PNLDC1: variants seen among roughly 807,000 people sequenced by gnomAD.
The protein encoded by PNLDC1 is PARN like ribonuclease domain containing exonuclease 1.
A neutral mutation model predicts 82.0 loss-of-function variants in PNLDC1; 70 were observed. That is an observed-to-expected ratio of 0.85 (90% confidence interval 0.70 to 1.04). The LOEUF (loss-of-function observed/expected upper bound fraction) is 1.04, where lower values mean the gene tolerates loss of function less well. Among genes scored for constraint, PNLDC1 ranks in the 50% least tolerant of loss-of-function variants. The pLI is 0.00. For missense variants in PNLDC1, 631 were observed against 661.1 expected (o/e 0.95, Z 0.50); for synonymous variants, 280 against 249.3 (o/e 1.12, Z -1.16).
chr6:159,819,236 G>A lies in PNLDC1; in HGVS notation c.1434-18G>A, dbSNP rs1446091744. On this transcript the variant is annotated intron_variant, in intron 17 of 18. Coordinates refer to ENST00000392167, the MANE Select transcript of PNLDC1 (RefSeq NM_001271862.2). The surrounding 1 kb of genome is among the most constrained non-coding windows in gnomAD (Gnocchi z 4.6). Reference sequence around the variant, plus strand: ...CCATCCTGCTGCCTGGCTGACCACAGCAAACTTGTTTTGGCAGTGCGCGGA... The same window carrying A: ...CCATCCTGCTGCCTGGCTGACCACAACAAACTTGTTTTGGCAGTGCGCGGA... 1.9e-6 allele frequency: 3 copies of A among 1,613,496 alleles called. No homozygotes were observed. The highest frequency in any genetic ancestry group is 2.5e-6 in the Non-Finnish European group (3 of 1,179,886).
chr6:159,813,621 G>A lies in PNLDC1; in HGVS notation c.960G>A (p.Val320=). 5 of 1,613,608 alleles carry A rather than the reference G, an allele frequency of 3.1e-6. No homozygotes were observed. The highest frequency in any genetic ancestry group is 1.7e-5 in the Admixed American group (1 of 60,032). ...DIWKEMNFPR[V]SNLSEVYEVL... is the part of the protein sequence containing the mutation. ...TGTAGGAGATGAATTTCCCGAGGGT[G>A]TCGAATCTTTCGGAAGTCTATGAAG... The change falls in exon 12 of 19, where the codon GTG becomes GTA. Residue 320 remains valine (V), a synonymous_variant. Coordinates refer to ENST00000392167, the MANE Select transcript of PNLDC1 (RefSeq NM_001271862.2).
intron 10 of PNLDC1, among the ~76,000 whole-genome samples, chr6:159,811,219 G>T (rs1781634477): frequency 6.6e-6 from 1 of 152,186 alleles, no homozygotes; most frequent in African/African-American, 2.4e-5. Context: ...TTTTTAGTGT[G>T]TGTGTTTTGC....
In PNLDC1 at chr6:159,813,601, G is replaced by C. The variant is rs1363441482; in HGVS notation, c.940G>C (p.Glu314Gln). Residue 314 changes from glutamate (E) to glutamine (Q), a missense_variant and splice_region_variant, in exon 12 of 19, where the codon GAG (glutamate) becomes CAG (glutamine). Transcript: ENST00000392167. ...TKSVTKDIWKEMNFPRVSNLS... is the reference protein window; with the variant it reads ...TKSVTKDIWKQMNFPRVSNLS... ...TCTGGTTTGTTTTCCATGATTGTAG[G>C]AGATGAATTTCCCGAGGGTGTCGAA... The C allele has an allele frequency of 6.2e-7, 1 of 1,611,582 alleles. No homozygotes were observed. Among genetic ancestry groups the C allele is most frequent in the Non-Finnish European group, 8.5e-7 (1 of 1,177,704 alleles).
In PNLDC1 at chr6:159,806,140, G is replaced by T. The variant is rs575339516; in HGVS notation, c.562+57G>T. 15 of 1,350,722 alleles carry T rather than the reference G, an allele frequency of 1.1e-5. No homozygotes were observed. In the African/African-American group the frequency reaches 2.1e-4, roughly 19 times the overall value. 83.7% of individuals were successfully genotyped at this position (1,350,722 alleles called of 1,614,324 possible). On this transcript the variant is annotated intron_variant, in intron 7 of 18. Transcript: ENST00000392167. ...GCATTGGGACAGGTCACTGTCACCTGCCAGGAGTTGGGGGAAACACACCCT... is the reference window on the plus strand; with the variant it reads ...GCATTGGGACAGGTCACTGTCACCTTCCAGGAGTTGGGGGAAACACACCCT...
intron 10 of PNLDC1, among the ~76,000 whole-genome samples, chr6:159,810,928 G>A (rs1207614195): frequency 6.6e-6 from 1 of 152,142 alleles, no homozygotes; most frequent in Non-Finnish European, 1.5e-5. Context: ...CAAAATAAGC[G>A]CTGGGAGAAC....
At position 159,820,585 on chromosome 6, in the gene PNLDC1, C is replaced by A; in HGVS notation, c.*68C>A. On this transcript the variant is annotated 3_prime_UTR_variant, in exon 19 of 19. Coordinates refer to ENST00000392167, the MANE Select transcript of PNLDC1 (RefSeq NM_001271862.2). Reference sequence around the variant, plus strand: ...CTCTGGGAGGTGTGCTGGGTGTGTTCGTGTAAATCAGATTCTGTTTGCAGA... The same window carrying A: ...CTCTGGGAGGTGTGCTGGGTGTGTTAGTGTAAATCAGATTCTGTTTGCAGA... 4.1e-6 allele frequency: 6 copies of A among 1,446,374 alleles called. No homozygotes were observed. Among genetic ancestry groups the A allele is most frequent in the South Asian group, 1.1e-5 (1 of 87,698 alleles). 89.6% of individuals were successfully genotyped at this position (1,446,374 alleles called of 1,614,324 possible).
At chr6:159,818,120 C>T (rs1172099344) in intron 15 of PNLDC1, among the ~76,000 whole-genome samples, 1 of 152,186 alleles carries the variant, frequency 6.6e-6, no homozygotes, top group East Asian at 1.9e-4. Context: ...TGCCGGGGCC[C>T]TGCGCTCAGG....
chr6:159,811,891 T>C, intron 11 of PNLDC1, 105 bp downstream of exon 11: 1 of 243,196 alleles, frequency 4.1e-6, no homozygotes. Flanking sequence ...TTTTTTTTGT[T>C]TTGTTTTGTT....
chr6:159,817,301 G>T (rs979281957), intron 15 of PNLDC1, 150 bp downstream of exon 15: 1 of 775,664 alleles, frequency 1.3e-6, no homozygotes, highest in Non-Finnish European at 2.2e-6. Flanking sequence ...GTCCCTGACT[G>T]GGCAGCAGCC....
chr6:159,813,205 A>G (rs1344267392), intron 11 of PNLDC1, among the ~76,000 whole-genome samples: 2 of 152,200 alleles, frequency 1.3e-5, no homozygotes, highest in Middle Eastern at 3.2e-3. Context: ...ATTTCCAGCT[A>G]CTATGAACTT....
chr6:159,818,396 G>C (rs1210497920), intron 15 of PNLDC1, among the ~76,000 whole-genome samples, 159 bp from the exon 16 acceptor site: 1 of 152,188 alleles, frequency 6.6e-6, no homozygotes. Context: ...GCCAGCTGGG[G>C]AAGCACCCAA....
At chr6:159,815,720 G>T (rs1781791388) in intron 12 of PNLDC1, among the ~76,000 whole-genome samples, 1 of 152,128 alleles carries the variant, frequency 6.6e-6, no homozygotes, top group African/African-American at 2.4e-5. Context: ...CTATCTTGGT[G>T]CCTGGGCTCA....
intron 14 of PNLDC1, 98 bp from the exon 15 acceptor site, chr6:159,817,011 C>G: frequency 2.3e-6 from 3 of 1,277,022 alleles, no homozygotes; most frequent in Non-Finnish European, 3.4e-6. Context: ...TCCCTAGATT[C>G]TACATTTATT....
Position 159,809,115 on chromosome 6 carries a change from G to A in PNLDC1, c.740G>A (p.Arg247Lys). The A allele has an allele frequency of 6.2e-7, 1 of 1,614,156 alleles. No individual in the cohort carries two copies. Among genetic ancestry groups the A allele is most frequent in the Non-Finnish European group, 8.5e-7 (1 of 1,180,034 alleles). Residue 247 changes from arginine (R) to lysine (K), a missense_variant, in exon 9 of 19, where the codon AGG becomes AAG. Arg to Lys is a conservative substitution (Grantham distance 26, BLOSUM62 2). Transcript: ENST00000392167. ...CWKENILLSA[R>K]GFSVFFQMLV... The stretch of plus-strand genomic sequence containing the variant: ...AAGGAAAATATTCTTCTCTCAGCAA[G>A]GGGTTTTTCTGTCTTTTTCCAAATG...
chr6:159,801,564 A>T (rs1162198666), intron 3 of PNLDC1, among the ~76,000 whole-genome samples: 1 of 152,108 alleles, frequency 6.6e-6, no homozygotes, highest in East Asian at 1.9e-4. Flanking sequence ...CTAGCACGTC[A>T]GCCTCCTGAG....
chr6:159,805,864 T>G, intron 6 of PNLDC1, 119 bp from the exon 7 acceptor site: 2 of 728,140 alleles, frequency 2.7e-6, no homozygotes, highest in Non-Finnish European at 4.9e-6. Flanking sequence ...TTGGTACATT[T>G]TCTTTGTATA....
At chr6:159,817,608 T>G (rs1423855742) in intron 15 of PNLDC1, among the ~76,000 whole-genome samples, 1 of 152,220 alleles carries the variant, frequency 6.6e-6, no homozygotes, top group Non-Finnish European at 1.5e-5. Context: ...AACCCCACAT[T>G]GGAATCTTCA....
chr6:159,819,156 G>A lies in PNLDC1; in HGVS notation c.1433+35G>A, dbSNP rs372837143. ...TCTAAGTCCGCGTCCCCCACCCCTC[G>A]TGCGTTCATCCCTGTATCTCTCTGA... is the stretch of plus-strand genomic sequence containing the variant. On this transcript the variant is annotated intron_variant, in intron 17 of 18. Coordinates refer to ENST00000392167, the MANE Select transcript of PNLDC1 (RefSeq NM_001271862.2). The surrounding 1 kb of genome is among the most constrained non-coding windows in gnomAD (Gnocchi z 4.6). 9.6e-5 allele frequency: 155 copies of A among 1,610,462 alleles called. No homozygotes were observed. The African/African-American group carries it at 1.8e-3, about 19-fold the overall frequency.
At chr6:159,800,909 T>TG (rs926383916) in intron 2 of PNLDC1, 80 bp downstream of exon 2, 4 of 1,599,564 alleles carry the variant, frequency 2.5e-6, no homozygotes, top group Non-Finnish European at 3.4e-6. Context: ...TGTTGGCATT[T>TG]GGGGGGCAGG....
Sources: gnomAD v4.1 joint callset for allele counts (sites outside exome capture counted in the v4.1 genomes callset) on GRCh38, gnomAD v4.1.1 for gene constraint, Gnocchi (gnomAD v3.1) non-coding constraint, MANE v1.5 for transcripts, NCBI Gene and HGNC (gene_info 2026-07-23, HGNC 2026-07-21) for gene names.